ALX4: variants seen among roughly 807,000 people sequenced by gnomAD.
ALX4 encodes the protein ALX homeobox 4, also known as homeobox protein aristaless-like 4.
A neutral mutation model predicts 40.6 loss-of-function variants in ALX4; 22 were observed. The observed-to-expected ratio is 0.54, with a 90% confidence interval of 0.39 to 0.77. The LOEUF (loss-of-function observed/expected upper bound fraction) is 0.77, where lower values mean the gene tolerates loss of function less well. Ranked by LOEUF, ALX4 falls within the 30% of genes least tolerant of loss-of-function variation. The pLI is 0.00. For synonymous variants in ALX4, 266 were observed against 240.5 expected (o/e 1.11, Z -0.98); for missense variants, 556 against 564.8 (o/e 0.98, Z 0.16).
intron 1 of ALX4, among the ~76,000 whole-genome samples, chr11:44,281,418 G>A (rs943941128): frequency 5.9e-5 from 9 of 152,058 alleles, no homozygotes; most frequent in Admixed American, 1.3e-4. Flanking sequence ...GTGTGGAGCC[G>A]TGCACAGGCC....
At chr11:44,284,167 C>T (rs1194490722) in intron 1 of ALX4, among the ~76,000 whole-genome samples, 2 of 149,172 alleles carry the variant, frequency 1.3e-5, no homozygotes, top group Non-Finnish European at 2.9e-5. Flanking sequence ...TACAAGTTTC[C>T]AGAAGTGGCA....
chr11:44,288,004 T>C (rs761466070), intron 1 of ALX4, among the ~76,000 whole-genome samples: 2 of 152,192 alleles, frequency 1.3e-5, no homozygotes, highest in Admixed American at 6.5e-5. Context: ...TTAGACAAAG[T>C]CTTGCTCTGT....
At chr11:44,287,266 G>T (rs1956344180) in intron 1 of ALX4, among the ~76,000 whole-genome samples, 1 of 152,110 alleles carries the variant, frequency 6.6e-6, no homozygotes, top group Non-Finnish European at 1.5e-5. Context: ...GAACGAAAAG[G>T]GATTAATGCT....
intron 1 of ALX4, among the ~76,000 whole-genome samples, chr11:44,283,299 GTAAC>G (rs1956320449): frequency 6.7e-6 from 1 of 150,182 alleles, no homozygotes; most frequent in African/African-American, 2.4e-5. Flanking sequence ...TTTAAAAAAT[GTAAC>G]TAAAAAGAAA....
At chr11:44,273,146 C>T (rs1346024468) in intron 2 of ALX4, among the ~76,000 whole-genome samples, 3 of 142,908 alleles carry the variant, frequency 2.1e-5, no homozygotes, top group Non-Finnish European at 3.0e-5. Flanking sequence ...TCTGTCCTAA[C>T]ATTGAAGGGC....
At chr11:44,295,215 AT>A (rs1565008319) in intron 1 of ALX4, among the ~76,000 whole-genome samples, 3 of 152,170 alleles carry the variant, frequency 2.0e-5, no homozygotes, top group African/African-American at 7.2e-5. Context: ...CATGATTCTT[AT>A]CCCCACTTTA....
rs576272082 is a variant in ALX4 at position 44,263,707 on chromosome 11, G to A, written c.*1147C>T. ...GACAGTCAGTTTGAGGCCATAGCAG[G>A]GCCTGGAGGCCGAGCATGGCCACAC... is the stretch of plus-strand genomic sequence containing the variant. On this transcript the variant is annotated 3_prime_UTR_variant, in exon 4 of 4. Transcript: ENST00000652299. 6.6e-6 allele frequency: 1 copy of A among 152,464 alleles called. No homozygotes were observed. The highest frequency in any genetic ancestry group is 2.4e-5 in the African/African-American group (1 of 41,588). 9.4% of individuals were successfully genotyped at this position (152,464 alleles called of 1,614,324 possible).
rs61215359 is a variant in ALX4 at position 44,298,829 on chromosome 11, G to A, written c.466+10768C>T. On this transcript the variant is annotated intron_variant, in intron 1 of 3. Transcript: ENST00000652299. Reference sequence around the variant, plus strand: ...AAAATCAATAATTTTCTACCAGAATGCAAGAGAACGACAAAGCAGGCTCTC... The same window carrying A: ...AAAATCAATAATTTTCTACCAGAATACAAGAGAACGACAAAGCAGGCTCTC... Among the ~76,000 whole-genome samples, 721 of 152,140 alleles carry A rather than the reference G, an allele frequency of 4.7e-3. 8 individuals carry two copies. The highest frequency in any genetic ancestry group is 0.017 in the African/African-American group (691 of 41,508).
At chr11:44,297,015 A>G (rs1205219713) in intron 1 of ALX4, among the ~76,000 whole-genome samples, 2 of 149,580 alleles carry the variant, frequency 1.3e-5, no homozygotes, top group African/African-American at 5.0e-5. Flanking sequence ...GTCTCAAAAA[A>G]AAAAAAAAAA....
At chr11:44,305,486 C>A (rs561449171) in intron 1 of ALX4, among the ~76,000 whole-genome samples, 12 of 152,238 alleles carry the variant, frequency 7.9e-5, no homozygotes, top group African/African-American at 2.9e-4. Flanking sequence ...GCGATCACCC[C>A]ACAGTCACCC....
chr11:44,265,715 G>A (rs1956209927), intron 3 of ALX4, among the ~76,000 whole-genome samples: 1 of 152,090 alleles, frequency 6.6e-6, no homozygotes, highest in Admixed American at 6.5e-5. Context: ...GAAACCAAGG[G>A]TCAGTGGCTG....
chr11:44,274,589 T>C (rs1267702327), intron 2 of ALX4, among the ~76,000 whole-genome samples: 1 of 151,952 alleles, frequency 6.6e-6, no homozygotes, highest in East Asian at 1.9e-4. Context: ...TTCAGTTCCA[T>C]TGTGTTGTGC....
chr11:44,294,198 A>C (rs1956389858), intron 1 of ALX4, among the ~76,000 whole-genome samples: 1 of 152,162 alleles, frequency 6.6e-6, no homozygotes, highest in Admixed American at 6.5e-5. Flanking sequence ...TGAGGATACT[A>C]ATATCTCCCA....
At chr11:44,268,022 A>G (rs1956223472) in intron 2 of ALX4, among the ~76,000 whole-genome samples, 1 of 152,224 alleles carries the variant, frequency 6.6e-6, no homozygotes, top group South Asian at 2.1e-4. Flanking sequence ...AGACAATCAC[A>G]CACAGTTTTG....
At chr11:44,290,243 T>C (rs971193328) in intron 1 of ALX4, among the ~76,000 whole-genome samples, 7 of 152,186 alleles carry the variant, frequency 4.6e-5, no homozygotes, top group Non-Finnish European at 8.8e-5. Context: ...CACTGTAATA[T>C]CACTTTCATC....
At chr11:44,284,926 C>T (rs1956329922) in intron 1 of ALX4, among the ~76,000 whole-genome samples, 1 of 152,062 alleles carries the variant, frequency 6.6e-6, no homozygotes, top group Admixed American at 6.5e-5. Flanking sequence ...CATACACACA[C>T]ACACACAAAC....
At chr11:44,294,839 T>A (rs997648304) in intron 1 of ALX4, among the ~76,000 whole-genome samples, 1 of 150,554 alleles carries the variant, frequency 6.6e-6, no homozygotes, top group Non-Finnish European at 1.5e-5. Flanking sequence ...TATTTATTTA[T>A]TTATTTATTT....
chr11:44,274,162 T>TA (rs1304646634), intron 2 of ALX4, among the ~76,000 whole-genome samples: 2 of 152,094 alleles, frequency 1.3e-5, no homozygotes, highest in African/African-American at 4.8e-5. Flanking sequence ...AAAAAAAATT[T>TA]AAAAAATTTT....
intron 1 of ALX4, among the ~76,000 whole-genome samples, chr11:44,304,810 G>C (rs772125823): frequency 3.3e-4 from 50 of 152,182 alleles, no homozygotes; most frequent in African/African-American, 1.1e-3. Flanking sequence ...CCGGGACTTC[G>C]CCGAGATTTT....
Sources: allele counts gnomAD v4.1 joint callset (sites outside exome capture counted in the v4.1 genomes callset), GRCh38; gene constraint gnomAD v4.1.1; transcripts MANE v1.5; gene names NCBI Gene and HGNC (gene_info 2026-07-23, HGNC 2026-07-21).